The following TCP11L1 variants were observed in gnomAD, a reference collection of about 807,000 sequenced individuals.
The protein encoded by TCP11L1 is t-complex 11 like 1.
TCP11L1 carries 28 observed loss-of-function variants against 48.9 expected under a neutral mutation model. The ratio of observed to expected loss-of-function variants is 0.57; its 90% confidence interval spans 0.42 to 0.78. The LOEUF (loss-of-function observed/expected upper bound fraction) is 0.78, where lower values mean the gene tolerates loss of function less well. Among genes scored for constraint, TCP11L1 ranks in the 30% least tolerant of loss-of-function variants. TCP11L1 has a pLI of 0.00. For missense variants in TCP11L1, 505 were observed against 613.4 expected, an observed-to-expected ratio of 0.82 and a Z score of 1.87; for synonymous variants, 204 against 231.9, an observed-to-expected ratio of 0.88 and a Z score of 1.09.
At chr11:33,044,464 G>A (rs961895348) in intron 2 of TCP11L1, among the ~76,000 whole-genome samples, 1 of 152,166 alleles carries the variant, frequency 6.6e-6, no homozygotes, top group African/African-American at 2.4e-5. Flanking sequence ...ATATCTTCAG[G>A]CATTCCCAGT....
chr11:33,048,171 C>T (rs1590222304), intron 2 of TCP11L1, among the ~76,000 whole-genome samples: 1 of 147,882 alleles, frequency 6.8e-6, no homozygotes, highest in East Asian at 2.0e-4. Flanking sequence ...GGGTAAGTTA[C>T]ATGTATCTTT....
chr11:33,051,736 G>A (rs906517300), intron 2 of TCP11L1, among the ~76,000 whole-genome samples: 14 of 152,106 alleles, frequency 9.2e-5, no homozygotes, highest in Admixed American at 8.5e-4. Flanking sequence ...ATGAGCCACC[G>A]TGCCCGGCCT....
At position 33,043,050 on chromosome 11, in the gene TCP11L1, A is replaced by C. The variant is rs138930390; in HGVS notation, c.-24-700A>C. 4.2e-3 allele frequency among the ~76,000 whole-genome samples: 644 copies of C among 152,316 alleles called. 3 individuals carry two copies. The highest frequency in any genetic ancestry group is 7.9e-3 in the Non-Finnish European group (535 of 68,032). On this transcript the variant is annotated intron_variant, in intron 1 of 9. Coordinates refer to ENST00000334274, the MANE Select transcript of TCP11L1 (RefSeq NM_018393.4). ...CACTGCATTCCAGCCTGGATGAAAG[A>C]GCGAAACTCTGTCTCAAAACAAAAC...
At chr11:33,056,365 C>T (rs1225478589) in intron 3 of TCP11L1, among the ~76,000 whole-genome samples, 1 of 152,212 alleles carries the variant, frequency 6.6e-6, no homozygotes, top group East Asian at 1.9e-4. Context: ...CCCGCCTTGG[C>T]CTCCCAAAAT....
chr11:33,052,886 G>C (rs1203971444), intron 2 of TCP11L1, among the ~76,000 whole-genome samples: 1 of 152,118 alleles, frequency 6.6e-6, no homozygotes, highest in Non-Finnish European at 1.5e-5. Flanking sequence ...CTGGCTACTT[G>C]GGAGGCTAAG....
At chr11:33,055,785 T>C (rs1388079658) in intron 3 of TCP11L1, among the ~76,000 whole-genome samples, 1 of 152,190 alleles carries the variant, frequency 6.6e-6, no homozygotes, top group African/African-American at 2.4e-5. Flanking sequence ...GAATTGCTTG[T>C]TTTGTGCTCA....
chr11:33,069,874 TG>T (rs1854727108), intron 9 of TCP11L1, among the ~76,000 whole-genome samples: 2 of 152,164 alleles, frequency 1.3e-5, no homozygotes, highest in Non-Finnish European at 2.9e-5. Flanking sequence ...CCCAAAGTGC[TG>T]GGGTTAACAG....
chr11:33,066,219 G>A (rs1854614263), intron 8 of TCP11L1, among the ~76,000 whole-genome samples: 1 of 152,194 alleles, frequency 6.6e-6, no homozygotes, highest in Non-Finnish European at 1.5e-5. Context: ...ATCTGCTGCA[G>A]GGTTAGCAGA....
At chr11:33,043,720 GTTC>G (rs910625904) in intron 1 of TCP11L1, 27 bp from the exon 2 acceptor site, 1 of 1,555,836 alleles carries the variant, frequency 6.4e-7, no homozygotes, top group South Asian at 1.2e-5. Flanking sequence ...AATACTTTTA[GTTC>G]TTTTTTTTTG....
chr11:33,058,192 CT>C lies in TCP11L1; in HGVS notation c.638+61del, dbSNP rs951193500. ...TGCAACTACAATTCAGAGGCATTTT[CT>C]TTTTTTTCTTTTCTTTTTTTTTTGA... On this transcript the variant is annotated intron_variant, in intron 5 of 9. Transcript: ENST00000334274. 26 of 1,381,208 alleles carry C rather than the reference CT, an allele frequency of 1.9e-5. No individual in the cohort carries two copies. In the Admixed American group the frequency reaches 4.0e-4, roughly 21 times the overall value. 85.6% of individuals were successfully genotyped at this position (1,381,208 alleles called of 1,614,324 possible). A position where few individuals can be genotyped will look rare whatever the true frequency, so the allele number is the denominator to read the frequency against.
intron 1 of TCP11L1, among the ~76,000 whole-genome samples, chr11:33,041,765 A>AAC (rs1491443861): frequency 6.6e-6 from 1 of 152,136 alleles, no homozygotes; most frequent in Non-Finnish European, 1.5e-5. Flanking sequence ...CCAAAAAAAA[A>AAC]ACAAAAAAAC....
At chr11:33,055,919 G>A (rs1272711213) in intron 3 of TCP11L1, among the ~76,000 whole-genome samples, 1 of 152,170 alleles carries the variant, frequency 6.6e-6, no homozygotes, top group African/African-American at 2.4e-5. Context: ...CCAGGTTCAA[G>A]TGATTCTCTT....
At chr11:33,066,130 A>T in intron 8 of TCP11L1, 119 bp downstream of exon 8, 2 of 1,306,778 alleles carry the variant, frequency 1.5e-6, no homozygotes, top group Non-Finnish European at 2.1e-6. Flanking sequence ...GGAACTGAGA[A>T]GAAACCTTGC....
At chr11:33,068,089 T>C (rs904659081) in intron 8 of TCP11L1, among the ~76,000 whole-genome samples, 4 of 152,126 alleles carry the variant, frequency 2.6e-5, no homozygotes, top group African/African-American at 9.7e-5. Context: ...GCTAATCTTT[T>C]TGTATTTTTA....
At chr11:33,062,820 G>T (rs1399106289) in intron 7 of TCP11L1, among the ~76,000 whole-genome samples, 1 of 152,074 alleles carries the variant, frequency 6.6e-6, no homozygotes, top group African/African-American at 2.4e-5. Context: ...TGTCTTCAAG[G>T]TTCATTTATG....
chr11:33,063,372 A>C (rs1447609668), intron 7 of TCP11L1, among the ~76,000 whole-genome samples: 1 of 152,136 alleles, frequency 6.6e-6, no homozygotes, highest in Non-Finnish European at 1.5e-5. Flanking sequence ...GGTGACTCTT[A>C]AGTTTAACAT....
At chr11:33,055,205 T>C (rs1854276759) in intron 3 of TCP11L1, among the ~76,000 whole-genome samples, 1 of 152,252 alleles carries the variant, frequency 6.6e-6, no homozygotes, top group Non-Finnish European at 1.5e-5. Flanking sequence ...TCCAAGTTTC[T>C]GAGAGATTAA....
chr11:33,058,229 C>CAAAAA, intron 5 of TCP11L1, 90 bp downstream of exon 5: 1 of 1,213,774 alleles, frequency 8.2e-7, no homozygotes, highest in Non-Finnish European at 1.1e-6. Context: ...GACAGAGTCT[C>CAAAAA]ACTCTGTTGC....
At position 33,060,943 on chromosome 11, in the gene TCP11L1, C is replaced by G. The variant is rs1233765149; in HGVS notation, c.776-587C>G. 2.0e-5 allele frequency among the ~76,000 whole-genome samples: 3 copies of G among 151,906 alleles called. No individual in the cohort carries two copies. In the East Asian group the frequency reaches 5.8e-4, roughly 29 times the overall value. ...TGGGTGGCAAGGCCTGGCTAGGTGT[C>G]ATGTATTTGTTACTATTATTATTAT... On this transcript the variant is annotated intron_variant, in intron 6 of 9. Transcript: ENST00000334274.
Sources: gnomAD v4.1 joint callset for allele counts (sites outside exome capture counted in the v4.1 genomes callset) on GRCh38, gnomAD v4.1.1 for gene constraint, MANE v1.5 for transcripts, NCBI Gene and HGNC (gene_info 2026-07-23, HGNC 2026-07-21) for gene names.